Variants in FAHD1 observed in about 807,000 individuals in gnomAD.
FAHD1 encodes the protein FAH domain containing oxaloacetate decarboxylase 1.
A neutral mutation model predicts 12.7 loss-of-function variants in FAHD1; 14 were observed. That is an observed-to-expected ratio of 1.10 (90% CI 0.73 to 1.72). The LOEUF is 1.72. Among genes scored for constraint, FAHD1 ranks in the 40% most tolerant of loss-of-function variants. The pLI, the probability that FAHD1 is intolerant of heterozygous loss-of-function variation, is 0.00. For missense variants in FAHD1, 351 were observed against 298.9 expected (o/e 1.17, Z -1.29); for synonymous variants, 153 against 124.9 (o/e 1.22, Z -1.50).
At chr16:1,830,963 G>A (rs780118853), downstream of FAHD1, among the ~76,000 whole-genome samples, 22 of 108,668 alleles carry the variant, frequency 2.0e-4, no homozygotes, top group Non-Finnish European at 3.2e-4. Flanking sequence ...TTGGAAATGC[G>A]TCGGGATGGT....
chr16:1,828,643 T>C lies in FAHD1; in HGVS notation c.*739T>C, dbSNP rs544636006. ...TTGTAAAAATAAAAATCTCCACAAA[T>C]TACTGGCCCATCTCGGACTTGCTGA... On this transcript the variant is annotated 3_prime_UTR_variant, in exon 1 of 1. Transcript: ENST00000427358. The C allele has an allele frequency of 3.9e-5, 38 of 970,382 alleles. No individual in the cohort carries two copies. In the African/African-American group the frequency reaches 6.0e-4, roughly 15 times the overall value. The allele number at this position is 970,382 out of a possible 1,614,324, so 60.1% of individuals were successfully genotyped here. A position where few individuals can be genotyped will look rare whatever the true frequency, so the allele number is the denominator to read the frequency against.
downstream of FAHD1, among the ~76,000 whole-genome samples, chr16:1,829,884 A>G (rs1296648169): frequency 7.2e-6 from 1 of 139,440 alleles, no homozygotes; most frequent in Non-Finnish European, 1.6e-5. Context: ...TCTTTTTGAG[A>G]TGGCGTTTAA....
At chr16:1,839,460 G>C (rs748618534) in exon 3 of FAHD1, 1 of 1,581,168 alleles carries the variant, frequency 6.3e-7, no homozygotes, top group Non-Finnish European at 8.6e-7. Flanking sequence ...CAAAGACAAT[G>C]ATAAAATGTG....
chr16:1,838,203 T>C, intron 2 of FAHD1: 1 of 444,598 alleles, frequency 2.2e-6, no homozygotes, highest in Non-Finnish European at 4.0e-6. Flanking sequence ...TCTCACTATG[T>C]TGCCCAGGGT....
In FAHD1 at chr16:1,827,812, G is replaced by T; in HGVS notation, c.574G>T (p.Gly192Ter). ...TATTATCTTGACTGGGACGCCAAAG[G>T]GAGTTGGACCGGTTAAAGAAAACGA... is the stretch of plus-strand genomic sequence containing the variant. The change falls in exon 1 of 1, where the codon GGA (glycine) becomes TGA (stop). Residue 192 changes from glycine to a stop codon, truncating the protein, a stop_gained. Transcript: ENST00000427358. LOFTEE classifies it high-confidence loss of function. The T allele has an allele frequency of 1.2e-6, 2 of 1,614,108 alleles. No homozygotes were observed. Among genetic ancestry groups the T allele is most frequent in the Non-Finnish European group, 1.7e-6 (2 of 1,180,044 alleles).
chr16:1,827,379 G>C, exon 1 of FAHD1: 2 of 1,612,428 alleles, frequency 1.2e-6, no homozygotes, highest in Non-Finnish European at 1.7e-6. Context: ...AGCCGTCCAC[G>C]GCCTACGCGC....
downstream of FAHD1, among the ~76,000 whole-genome samples, chr16:1,830,416 T>G (rs1243952216): frequency 6.6e-6 from 1 of 152,232 alleles, no homozygotes; most frequent in African/African-American, 2.4e-5. Context: ...AGTGTATTAT[T>G]AGTCTGCTAC....
At chr16:1,840,022 T>G (rs138279147) in exon 3 of FAHD1, 3 of 152,342 alleles carry the variant, frequency 2.0e-5, no homozygotes, top group East Asian at 3.9e-4. Context: ...TTCAGTGATT[T>G]ATGCTATTCC....
exon 1 of FAHD1, chr16:1,827,737 C>A: frequency 6.2e-7 from 1 of 1,614,096 alleles, no homozygotes; most frequent in Non-Finnish European, 8.5e-7. Flanking sequence ...TTTTTCCATC[C>A]CCTACATCAT....
At chr16:1,834,507 C>T in intron 1 of FAHD1, 4 of 537,168 alleles carry the variant, frequency 7.4e-6, no homozygotes, top group Non-Finnish European at 1.3e-5. Flanking sequence ...TCCATTAGAG[C>T]TGTAAGATGA....
At chr16:1,834,380 C>A in intron 1 of FAHD1, 1 of 1,395,472 alleles carries the variant, frequency 7.2e-7, no homozygotes. Flanking sequence ...CGAGGAGAAA[C>A]AGAAAAAGAG....
exon 1 of FAHD1, chr16:1,828,274 CAAAAAAA>C (rs71145497): frequency 1.3e-6 from 1 of 799,506 alleles, no homozygotes; most frequent in Admixed American, 9.2e-5. Context: ...GACTCCGTCT[CAAAAAAA>C]AAAAAAAAAA....
chr16:1,827,249 C>T, exon 1 of FAHD1: 2 of 1,608,582 alleles, frequency 1.2e-6, no homozygotes, highest in Non-Finnish European at 1.7e-6. Context: ...ATGGCAGCAT[C>T]CAGGCCATTG....
downstream of FAHD1, among the ~76,000 whole-genome samples, chr16:1,830,877 T>C (rs753556246): frequency 5.3e-5 from 8 of 151,208 alleles, no homozygotes; most frequent in Non-Finnish European, 1.0e-4. Context: ...CTCCCCGCCA[T>C]ATATGTGTAT....
At chr16:1,839,680 T>C in exon 3 of FAHD1, 1 of 434,464 alleles carries the variant, frequency 2.3e-6, no homozygotes, top group Middle Eastern at 6.1e-4. Context: ...CTTCCCTCCC[T>C]CTGCCAAGCC....
intron 2 of FAHD1, among the ~76,000 whole-genome samples, chr16:1,838,712 A>C (rs1202218780): frequency 6.6e-6 from 1 of 151,654 alleles, no homozygotes; most frequent in Non-Finnish European, 1.5e-5. Flanking sequence ...AATTATTTGG[A>C]GACAAGTCTT....
At chr16:1,838,862 T>G (rs1439051423) in intron 2 of FAHD1, among the ~76,000 whole-genome samples, 1 of 152,146 alleles carries the variant, frequency 6.6e-6, no homozygotes, top group Admixed American at 6.5e-5. Flanking sequence ...CAGCTAATTT[T>G]TGTATTTTTA....
At chr16:1,837,936 C>T (rs66509847) in intron 1 of FAHD1, 242,245 of 1,448,954 alleles carry the variant, frequency 0.17, 21,571 homozygotes, top group South Asian at 0.28. Flanking sequence ...TTTTTGACAA[C>T]AGTGTGAAAC....
intron 2 of FAHD1, among the ~76,000 whole-genome samples, chr16:1,838,520 G>C (rs1252583287): frequency 6.6e-6 from 1 of 152,146 alleles, no homozygotes; most frequent in Non-Finnish European, 1.5e-5. Flanking sequence ...TGCTGCTGTT[G>C]TATAGCTGCA....
Sources: allele counts gnomAD v4.1 joint callset (sites outside exome capture counted in the v4.1 genomes callset), GRCh38; gene constraint gnomAD v4.1.1; transcripts MANE v1.5; gene names NCBI Gene and HGNC (gene_info 2026-07-23, HGNC 2026-07-21).